The following TECRL variants were observed in gnomAD, a reference collection of about 807,000 sequenced individuals.
TECRL encodes trans-2,3-enoyl-CoA reductase-like.
Under a neutral mutation model 52.8 loss-of-function variants are expected in TECRL, and 63 were observed. The observed-to-expected ratio is 1.19, with a 90% CI of 0.97 to 1.47. The LOEUF (loss-of-function observed/expected upper bound fraction) is 1.47. Among genes scored for constraint, TECRL ranks in the 40% most tolerant of loss-of-function variants. The probability of loss-of-function intolerance (pLI) is 0.00; values close to 1 mark genes in which losing one functional copy is unlikely to be tolerated. For missense variants in TECRL, 482 were observed against 429.6 expected, an observed-to-expected ratio of 1.12 and a Z score of -1.08; for synonymous variants, 164 against 141.9, an observed-to-expected ratio of 1.16 and a Z score of -1.10.
chr4:64,387,936 A>G (rs1341947522), intron 1 of TECRL, among the ~76,000 whole-genome samples: 6 of 151,702 alleles, frequency 4.0e-5, no homozygotes, highest in Non-Finnish European at 5.9e-5. Context: ...ATCAGATAAG[A>G]CTTTTGCAAA....
At chr4:64,308,061 C>A (rs1481734239) in intron 6 of TECRL, among the ~76,000 whole-genome samples, 4 of 152,166 alleles carry the variant, frequency 2.6e-5, no homozygotes, top group African/African-American at 7.2e-5. Context: ...AAAGCCAGAG[C>A]AGTTATCTCC....
intron 4 of TECRL, among the ~76,000 whole-genome samples, chr4:64,318,981 A>C (rs1717699445): frequency 6.6e-6 from 1 of 151,948 alleles, no homozygotes; most frequent in Admixed American, 6.6e-5. Context: ...CAAAACCATG[A>C]AAATGAGTCA....
At chr4:64,276,975 T>A, downstream of TECRL, 5 of 1,288,892 alleles carry the variant, frequency 3.9e-6, no homozygotes, top group Non-Finnish European at 5.4e-6. Flanking sequence ...GGATTATACC[T>A]GTAGCATTAA....
intron 2 of TECRL, among the ~76,000 whole-genome samples, chr4:64,371,707 C>T (rs1721982075): frequency 6.6e-6 from 1 of 151,702 alleles, no homozygotes; most frequent in Non-Finnish European, 1.5e-5. Context: ...CAGCTAGCCA[C>T]TTTATAAAAT....
chr4:64,276,873 G>A, downstream of TECRL: 1 of 419,326 alleles, frequency 2.4e-6, no homozygotes, highest in Non-Finnish European at 4.3e-6. Flanking sequence ...ATATACATAT[G>A]CATATGTGTA....
chr4:64,390,308 C>T (rs1723463497), intron 1 of TECRL, among the ~76,000 whole-genome samples: 1 of 151,778 alleles, frequency 6.6e-6, no homozygotes, highest in Non-Finnish European at 1.5e-5. Context: ...CGCTGTGTTC[C>T]CTCTCTGGGC....
At chr4:64,405,844 T>A (rs73232072) in intron 1 of TECRL, among the ~76,000 whole-genome samples, 1,914 of 152,190 alleles carry the variant, frequency 0.013, 50 homozygotes, top group African/African-American at 0.044. Context: ...GGAACTCAAA[T>A]AACAAATGCT....
intron 2 of TECRL, among the ~76,000 whole-genome samples, chr4:64,352,994 C>A (rs1411419252): frequency 1.3e-5 from 2 of 152,188 alleles, no homozygotes; most frequent in African/African-American, 4.8e-5. Context: ...GCTTGGATTA[C>A]AGGCACAAGC....
chr4:64,351,100 T>A (rs1720360341), intron 2 of TECRL, among the ~76,000 whole-genome samples: 1 of 144,920 alleles, frequency 6.9e-6, no homozygotes, highest in Non-Finnish European at 1.5e-5. Flanking sequence ...GTTGATCTCA[T>A]GCAAGTAGAG....
intron 6 of TECRL, among the ~76,000 whole-genome samples, chr4:64,307,935 A>G (rs1483721): frequency 0.96 from 146,189 of 152,196 alleles, 70,236 homozygotes; most frequent in East Asian, 1. Flanking sequence ...TAATATGGGA[A>G]GATGGAGGAG....
rs928156771 is a variant in TECRL at position 64,389,257 on chromosome 4, G to A, written c.235-14034C>T. On this transcript the variant is annotated intron_variant, in intron 1 of 11. Coordinates refer to ENST00000381210, the MANE Select transcript of TECRL (RefSeq NM_001010874.5). ...AAATGACGTGACCTGTAGGTCTTTC[G>A]GAGATATTATTGATGAAGTTGAGGA... Among the ~76,000 whole-genome samples, 11 of 151,786 alleles carry A rather than the reference G, an allele frequency of 7.2e-5. 1 individual carries two copies. Among genetic ancestry groups the A allele is most frequent in the Admixed American group, 7.2e-4 (11 of 15,214 alleles).
chr4:64,344,127 G>T (rs1374124487), intron 2 of TECRL, among the ~76,000 whole-genome samples: 1 of 151,750 alleles, frequency 6.6e-6, no homozygotes, highest in African/African-American at 2.4e-5. Context: ...AGAAGAGGAA[G>T]TAATAGGACA....
At chr4:64,390,473 A>G (rs1723476526) in intron 1 of TECRL, among the ~76,000 whole-genome samples, 1 of 151,862 alleles carries the variant, frequency 6.6e-6, no homozygotes, top group Non-Finnish European at 1.5e-5. Context: ...ATTTCTGTTC[A>G]TTCTACTTGG....
intron 4 of TECRL, among the ~76,000 whole-genome samples, chr4:64,316,598 G>A (rs896470339): frequency 2.6e-5 from 4 of 152,058 alleles, no homozygotes; most frequent in African/African-American, 9.7e-5. Context: ...TTCTGAAAAT[G>A]GAACTGGTCT....
At chr4:64,330,479 C>T (rs1718561959) in intron 2 of TECRL, among the ~76,000 whole-genome samples, 1 of 151,872 alleles carries the variant, frequency 6.6e-6, no homozygotes, top group Non-Finnish European at 1.5e-5. Flanking sequence ...AAATATATCT[C>T]AAGTAAAAAA....
intron 1 of TECRL, chr4:64,397,859 A>G (rs1724064491): frequency 1.3e-5 from 2 of 151,542 alleles, no homozygotes; most frequent in South Asian, 4.2e-4. Flanking sequence ...ACTTAAACAC[A>G]GGGTTGATAT....
intron 1 of TECRL, among the ~76,000 whole-genome samples, chr4:64,397,280 A>T (rs1210894328): frequency 6.6e-6 from 1 of 152,018 alleles, no homozygotes; most frequent in East Asian, 1.9e-4. Flanking sequence ...TTTTCTCTGT[A>T]ATACCACACT....
intron 3 of TECRL, among the ~76,000 whole-genome samples, chr4:64,324,575 T>G (rs1460755741): frequency 6.6e-6 from 1 of 151,992 alleles, no homozygotes; most frequent in Non-Finnish European, 1.5e-5. Flanking sequence ...TAAAGGTCTT[T>G]TAAAAGGAAA....
At chr4:64,342,161 A>G (rs1461051871) in intron 2 of TECRL, among the ~76,000 whole-genome samples, 1 of 151,872 alleles carries the variant, frequency 6.6e-6, no homozygotes, top group Non-Finnish European at 1.5e-5. Flanking sequence ...AGATCCTAGT[A>G]TTTTCTGCCT....
Sources: allele counts gnomAD v4.1 joint callset (sites outside exome capture counted in the v4.1 genomes callset), GRCh38; gene constraint gnomAD v4.1.1; transcripts MANE v1.5; gene names NCBI Gene and HGNC (gene_info 2026-07-23, HGNC 2026-07-21).